Variants in SLC14A2 observed in about 807,000 individuals in gnomAD.
The protein encoded by SLC14A2 is urea transporter 2.
A neutral mutation model predicts 104.6 loss-of-function variants in SLC14A2; 91 were observed. That is an observed-to-expected ratio of 0.87 (90% confidence interval 0.73 to 1.04). The LOEUF is 1.04. Among genes scored for constraint, SLC14A2 ranks in the 50% least tolerant of loss-of-function variants. The pLI is 0.00. For synonymous variants in SLC14A2, 476 were observed against 466.4 expected, an observed-to-expected ratio of 1.02 and a Z score of -0.27; for missense variants, 1,189 against 1,156.0, an observed-to-expected ratio of 1.03 and a Z score of -0.41.
intron 11 of SLC14A2, 45 bp from the exon 12 acceptor site, chr18:45,666,092 A>C: frequency 7.6e-7 from 1 of 1,321,582 alleles, no homozygotes; most frequent in Non-Finnish European, 1.1e-6. Flanking sequence ...GAGGTGCCAG[A>C]GTAGAGGTGT....
intron 1 of SLC14A2, among the ~76,000 whole-genome samples, chr18:45,317,379 T>A (rs999647942): frequency 3.9e-5 from 6 of 152,354 alleles, no homozygotes; most frequent in Admixed American, 2.0e-4. Flanking sequence ...TCTCAGTCTA[T>A]GCCCCAGTGA....
Position 45,682,676 on chromosome 18 carries a change from C to G in SLC14A2, c.*157C>G. On this transcript the variant is annotated 3_prime_UTR_variant, in exon 20 of 20. Transcript: ENST00000255226. ...ATGTAGTCACCATTCCAGAACCTCT[C>G]TTTTCTAAGATGCACAACACTTATC... 1 of 644,066 alleles carries G rather than the reference C, an allele frequency of 1.6e-6. No homozygotes were observed. The allele number at this position is 644,066 out of a possible 1,614,324, so 39.9% of individuals were successfully genotyped here. A position where few individuals can be genotyped will look rare whatever the true frequency, so the allele number is the denominator to read the frequency against.
chr18:45,248,838 C>A (rs993788286), intron 1 of SLC14A2, among the ~76,000 whole-genome samples: 1 of 152,152 alleles, frequency 6.6e-6, no homozygotes, highest in Admixed American at 6.5e-5. Context: ...CAAAATTCTC[C>A]TCTCTCTTCT....
intron 1 of SLC14A2, among the ~76,000 whole-genome samples, chr18:45,312,951 G>C (rs538749644): frequency 2.0e-5 from 3 of 152,134 alleles, no homozygotes; most frequent in African/African-American, 7.2e-5. Context: ...GGTTGGCCTC[G>C]TCAGTGATGC....
chr18:45,195,014 A>G, the SLC14A2 span, among the ~76,000 whole-genome samples: 16 of 152,322 alleles, frequency 1.1e-4, no homozygotes, highest in Non-Finnish European at 2.1e-4. Context: ...GAATGGGCAG[A>G]GAAAGAAGAA....
At position 45,682,454 on chromosome 18, in the gene SLC14A2, C is replaced by T. The variant is rs768663612; in HGVS notation, c.2698C>T (p.Leu900=). 9 of 1,614,192 alleles carry T rather than the reference C, an allele frequency of 5.6e-6. No individual in the cohort carries two copies. The highest frequency in any genetic ancestry group is 7.6e-6 in the Non-Finnish European group (9 of 1,180,020). Residue 900 remains leucine, a synonymous_variant, in exon 20 of 20, where the codon CTG becomes TTG. Coordinates refer to ENST00000255226, the MANE Select transcript of SLC14A2 (RefSeq NM_007163.4). ...CCCAGAGGCCAACCGCATCTACTAC[C>T]TGTCCCAGGAGAGAAACAGAAGGGC... ...TYPEANRIYY[L]SQERNRRASI...
intron 2 of SLC14A2, among the ~76,000 whole-genome samples, chr18:45,531,311 C>T (rs2043681598): frequency 6.6e-6 from 1 of 152,170 alleles, no homozygotes; most frequent in African/African-American, 2.4e-5. Context: ...TTTACAGTCC[C>T]ACCAACAGTG....
intron 2 of SLC14A2, among the ~76,000 whole-genome samples, chr18:45,488,547 G>A (rs1378142238): frequency 6.6e-6 from 1 of 152,188 alleles, no homozygotes; most frequent in East Asian, 1.9e-4. Flanking sequence ...GAACTTAGTG[G>A]GGAAAAGGGC....
At chr18:45,580,235 T>A (rs1324505628) in intron 2 of SLC14A2, among the ~76,000 whole-genome samples, 1 of 152,208 alleles carries the variant, frequency 6.6e-6, no homozygotes, top group African/African-American at 2.4e-5. Context: ...GTAGCACTTA[T>A]CTACATTTTG....
intron 2 of SLC14A2, among the ~76,000 whole-genome samples, chr18:45,484,828 T>C (rs2087568828): frequency 2.0e-5 from 3 of 152,282 alleles, no homozygotes; most frequent in South Asian, 4.1e-4. Flanking sequence ...TAATAAGATA[T>C]ACCTCTTAGG....
intron 1 of SLC14A2, among the ~76,000 whole-genome samples, chr18:45,415,103 C>T (rs1320003437): frequency 1.3e-5 from 2 of 152,010 alleles, no homozygotes; most frequent in East Asian, 3.9e-4. Flanking sequence ...TGTGTATATA[C>T]TTGCTAACCC....
In SLC14A2 at chr18:45,334,973, T is replaced by C. The variant is rs565963005; in HGVS notation, c.-125+121782T>C. On this transcript the variant is annotated intron_variant, in intron 1 of 20. Coordinates refer to the SLC14A2 transcript ENST00000586448. ...GTACTGAAGTGCTCCCACAAGAATT[T>C]TGGTGAATGAGTGTGCAGTTTTTAT... Among the ~76,000 whole-genome samples, 15 of 152,346 alleles carry C rather than the reference T, an allele frequency of 9.8e-5. No individual in the cohort carries two copies. In the East Asian group the frequency reaches 2.9e-3, roughly 29 times the overall value.
intron 1 of SLC14A2, among the ~76,000 whole-genome samples, chr18:45,366,483 A>G (rs1433871607): frequency 1.3e-5 from 2 of 152,206 alleles, no homozygotes; most frequent in South Asian, 2.1e-4. Context: ...GACAGTGTGC[A>G]ATGTGGAAGA....
intron 2 of SLC14A2, among the ~76,000 whole-genome samples, chr18:45,508,573 T>C (rs774340568): frequency 5.9e-5 from 9 of 152,250 alleles, no homozygotes; most frequent in Non-Finnish European, 7.3e-5. Context: ...GTCTCAGGTA[T>C]GTCTTTATCG....
chr18:45,213,935 A>T (rs999887676), intron 1 of SLC14A2, among the ~76,000 whole-genome samples: 1 of 152,186 alleles, frequency 6.6e-6, no homozygotes, highest in Non-Finnish European at 1.5e-5. Context: ...CAGACCAATA[A>T]TAGTGCTGAA....
At chr18:45,202,866 T>C in the SLC14A2 span, among the ~76,000 whole-genome samples, 1 of 151,992 alleles carries the variant, frequency 6.6e-6, no homozygotes, top group Non-Finnish European at 1.5e-5. Context: ...TTCCATCAGC[T>C]CAAAGACAAT....
chr18:45,608,662 C>T (rs1213823939), intron 2 of SLC14A2, among the ~76,000 whole-genome samples: 3 of 152,230 alleles, frequency 2.0e-5, no homozygotes, highest in African/African-American at 7.2e-5. Flanking sequence ...ACTTATCTGT[C>T]CCATTACCTC....
chr18:45,544,786 C>CTTTTTT (rs71373715), intron 2 of SLC14A2, among the ~76,000 whole-genome samples: 155 of 88,820 alleles, frequency 1.7e-3, no homozygotes, highest in African/African-American at 2.2e-3. Context: ...TCAATAATGT[C>CTTTTTT]TTTTTTTTTT....
chr18:45,462,641 T>A (rs2087066317), intron 1 of SLC14A2, among the ~76,000 whole-genome samples: 1 of 152,240 alleles, frequency 6.6e-6, no homozygotes. Flanking sequence ...AGGAAAGCTT[T>A]CTAATCAGCA....
Sources: allele counts gnomAD v4.1 joint callset (sites outside exome capture counted in the v4.1 genomes callset), GRCh38; gene constraint gnomAD v4.1.1; transcripts MANE v1.5; gene names NCBI Gene and HGNC (gene_info 2026-07-23, HGNC 2026-07-21).